Variants in HDAC9 observed in about 807,000 individuals in gnomAD.
HDAC9 encodes the protein MEF-2 interacting transcription repressor (MITR) protein.
HDAC9 carries 41 observed loss-of-function variants against 139.4 expected under a neutral mutation model. The observed-to-expected ratio is 0.29, with a 90% confidence interval of 0.23 to 0.38. The LOEUF (loss-of-function observed/expected upper bound fraction) is 0.38. HDAC9 is among the 10% of genes least tolerant of loss of function. The pLI is 1.00. For missense variants in HDAC9, 1,147 were observed against 1,297.0 expected, an observed-to-expected ratio of 0.88 and a Z score of 1.78; for synonymous variants, 517 against 476.2, an observed-to-expected ratio of 1.09 and a Z score of -1.12.
At chr7:18,992,508 T>C (rs1445429414) in intron 25 of HDAC9, among the ~76,000 whole-genome samples, 1 of 152,226 alleles carries the variant, frequency 6.6e-6, no homozygotes, top group African/African-American at 2.4e-5. Flanking sequence ...ATTGTATTGC[T>C]TGCCTTTCAG....
intron 1 of HDAC9, among the ~76,000 whole-genome samples, chr7:18,441,596 T>C (rs930888014): frequency 4.6e-5 from 7 of 152,226 alleles, no homozygotes; most frequent in African/African-American, 1.7e-4. Flanking sequence ...TGTGTTACAT[T>C]CTGAGGACAT....
rs562191497 is a variant in HDAC9 at position 18,882,129 on chromosome 7, T to A, written c.2803+7533T>A. ...AGTAAGGCTAAAAAGAATCCATGATTTTTTTAAAGTAAGTCAGATGATTTC... is the reference window on the plus strand; with the variant it reads ...AGTAAGGCTAAAAAGAATCCATGATATTTTTAAAGTAAGTCAGATGATTTC... On this transcript the variant is annotated intron_variant, in intron 22 of 25. Coordinates refer to ENST00000686413, the MANE Select transcript of HDAC9 (RefSeq NM_178425.4). Among the ~76,000 whole-genome samples the A allele has an allele frequency of 1.4e-4, 21 of 152,238 alleles. 1 individual carries two copies. Among genetic ancestry groups the A allele is most frequent in the Admixed American group, 9.8e-4 (15 of 15,274 alleles).
chr7:18,932,020 AT>A (rs1348104499), intron 22 of HDAC9, among the ~76,000 whole-genome samples: 1 of 152,196 alleles, frequency 6.6e-6, no homozygotes, highest in Non-Finnish European at 1.5e-5. Flanking sequence ...GTACTGGCTT[AT>A]CAATCATAAC....
intron 2 of HDAC9, among the ~76,000 whole-genome samples, chr7:18,271,550 A>G (rs908731330): frequency 2.0e-5 from 3 of 152,202 alleles, no homozygotes; most frequent in Non-Finnish European, 4.4e-5. Flanking sequence ...AGCTGTATAG[A>G]CTAACTTTGA....
At chr7:18,303,069 T>G (rs1017112459) in intron 1 of HDAC9, among the ~76,000 whole-genome samples, 8 of 152,124 alleles carry the variant, frequency 5.3e-5, no homozygotes, top group African/African-American at 1.7e-4. Context: ...AAGAAGCCAT[T>G]AAAATATTGA....
At chr7:18,555,389 G>A (rs1054819628) in intron 2 of HDAC9, among the ~76,000 whole-genome samples, 1 of 152,144 alleles carries the variant, frequency 6.6e-6, no homozygotes, top group African/African-American at 2.4e-5. Context: ...ATGGGAGCTT[G>A]GTTAATTATT....
intron 17 of HDAC9, among the ~76,000 whole-genome samples, chr7:18,812,459 C>G (rs750681824): frequency 6.6e-6 from 1 of 151,828 alleles, no homozygotes. Context: ...ATATATAAAA[C>G]TATGTTGACA....
At chr7:18,625,659 G>T (rs917238603) in intron 6 of HDAC9, among the ~76,000 whole-genome samples, 2 of 152,014 alleles carry the variant, frequency 1.3e-5, no homozygotes, top group African/African-American at 4.8e-5. Flanking sequence ...AGATATGTGG[G>T]ACTGGCTGGG....
chr7:18,652,995 G>A (rs1443898272), intron 11 of HDAC9, among the ~76,000 whole-genome samples: 1 of 152,042 alleles, frequency 6.6e-6, no homozygotes, highest in African/African-American at 2.4e-5. Flanking sequence ...CCAGCACTCT[G>A]GGAGGCCGAT....
intron 12 of HDAC9, among the ~76,000 whole-genome samples, chr7:18,705,064 TTAAA>T (rs1005210322): frequency 2.0e-5 from 3 of 152,216 alleles, no homozygotes; most frequent in African/African-American, 7.2e-5. Flanking sequence ...ATTTTTTAAA[TTAAA>T]TATGCGTTCC....
chr7:18,152,461 C>A (rs145144922), intron 1 of HDAC9, among the ~76,000 whole-genome samples: 7 of 152,166 alleles, frequency 4.6e-5, no homozygotes, highest in African/African-American at 1.4e-4. Context: ...TATGTTGTTT[C>A]TCTTGTGCTT....
chr7:18,381,829 C>T (rs1280822861), intron 1 of HDAC9, among the ~76,000 whole-genome samples: 1 of 152,102 alleles, frequency 6.6e-6, no homozygotes, highest in Non-Finnish European at 1.5e-5. Context: ...TTTAACGTTA[C>T]AAAATATTTT....
chr7:18,563,852 T>TG (rs1473584431), intron 2 of HDAC9, among the ~76,000 whole-genome samples: 1 of 151,586 alleles, frequency 6.6e-6, no homozygotes, highest in Non-Finnish European at 1.5e-5. Context: ...TTTTTTTTTT[T>TG]TTGAGACGGA....
intron 11 of HDAC9, among the ~76,000 whole-genome samples, chr7:18,651,432 CAAAA>C (rs1274262074): frequency 1.3e-5 from 2 of 151,740 alleles, no homozygotes; most frequent in African/African-American, 2.4e-5. Flanking sequence ...TTTAGAGAAA[CAAAA>C]AATGAAGTGG....
intron 22 of HDAC9, among the ~76,000 whole-genome samples, chr7:18,906,742 G>T (rs1346223605): frequency 2.0e-5 from 3 of 152,164 alleles, no homozygotes; most frequent in Non-Finnish European, 4.4e-5. Context: ...GAGCAGTCTT[G>T]TTTAAAATGC....
chr7:18,279,280 A>G (rs1562828400), intron 2 of HDAC9, among the ~76,000 whole-genome samples: 1 of 152,100 alleles, frequency 6.6e-6, no homozygotes, highest in Non-Finnish European at 1.5e-5. Context: ...TGGCTTTTCC[A>G]CCACCAATTT....
intron 17 of HDAC9, among the ~76,000 whole-genome samples, chr7:18,810,942 C>G (rs1794126313): frequency 6.6e-6 from 1 of 151,756 alleles, no homozygotes; most frequent in East Asian, 1.9e-4. Flanking sequence ...TATAAAGAAA[C>G]TTTTCCAAAT....
chr7:18,275,010 G>C (rs571933919), intron 2 of HDAC9, among the ~76,000 whole-genome samples: 1 of 152,276 alleles, frequency 6.6e-6, no homozygotes, highest in South Asian at 2.1e-4. Flanking sequence ...TGTATGTCTA[G>C]CCCAGGCAGC....
At chr7:18,168,047 T>C (rs1187134998) in intron 2 of HDAC9, among the ~76,000 whole-genome samples, 2 of 152,216 alleles carry the variant, frequency 1.3e-5, no homozygotes, top group African/African-American at 2.4e-5. Context: ...AGCCTTTGTT[T>C]ATGAATCATG....
Sources: gnomAD v4.1 joint callset for allele counts (sites outside exome capture counted in the v4.1 genomes callset) on GRCh38, gnomAD v4.1.1 for gene constraint, MANE v1.5 for transcripts, NCBI Gene and HGNC (gene_info 2026-07-23, HGNC 2026-07-21) for gene names.